MACROD2: variants seen among roughly 807,000 people sequenced by gnomAD.
MACROD2 encodes mono-ADP ribosylhydrolase 2, also known as ADP-ribose glycohydrolase MACROD2.
MACROD2 carries 36 observed loss-of-function variants against 70.4 expected under a neutral mutation model. That is an observed-to-expected ratio of 0.51 (90% CI 0.39 to 0.68). The LOEUF (loss-of-function observed/expected upper bound fraction) is 0.68. Ranked by LOEUF, MACROD2 falls within the 30% of genes least tolerant of loss-of-function variation. The pLI, the probability that MACROD2 is intolerant of heterozygous loss-of-function variation, is 0.00. For synonymous variants in MACROD2, 172 were observed against 178.8 expected, an observed-to-expected ratio of 0.96 and a Z score of 0.30; for missense variants, 496 against 538.4, an observed-to-expected ratio of 0.92 and a Z score of 0.78.
intron 3 of MACROD2, among the ~76,000 whole-genome samples, chr20:14,201,243 A>G (rs1182799210): frequency 1.3e-5 from 2 of 152,234 alleles, no homozygotes; most frequent in African/African-American, 2.4e-5. Context: ...TTCTCTTTCA[A>G]TGAATTGATT....
intron 5 of MACROD2, among the ~76,000 whole-genome samples, chr20:14,967,755 A>G (rs2074652261): frequency 6.6e-6 from 1 of 152,200 alleles, no homozygotes; most frequent in East Asian, 1.9e-4. Flanking sequence ...AAGTCTGCCA[A>G]TTTACTTCAT....
intron 3 of MACROD2, among the ~76,000 whole-genome samples, chr20:14,105,349 G>A (rs1569160840): frequency 6.6e-6 from 1 of 152,218 alleles, no homozygotes. Context: ...AGGAAGGAGA[G>A]CACAGTGCCT....
intron 5 of MACROD2, among the ~76,000 whole-genome samples, chr20:15,096,831 A>ATTTTTTTT (rs2075837062): frequency 1.7e-5 from 1 of 58,530 alleles, no homozygotes; most frequent in African/African-American, 7.9e-5. Context: ...TTTTTTTTTG[A>ATTTTTTTT]GTTGGAGTCT....
At chr20:14,987,659 A>T (rs2074861633) in intron 5 of MACROD2, among the ~76,000 whole-genome samples, 9 of 152,190 alleles carry the variant, frequency 5.9e-5, no homozygotes, top group Admixed American at 3.3e-4. Context: ...GTTATAAAGG[A>T]ACAAAAAATT....
intron 6 of MACROD2, among the ~76,000 whole-genome samples, chr20:15,317,706 A>G (rs185093106): frequency 6.6e-6 from 1 of 151,986 alleles, no homozygotes; most frequent in African/African-American, 2.4e-5. Context: ...TTGAGTCTAA[A>G]GGCAGAAAAA....
intron 2 of MACROD2, among the ~76,000 whole-genome samples, chr20:14,016,556 A>T (rs1392399335): frequency 6.6e-6 from 1 of 151,836 alleles, no homozygotes; most frequent in Non-Finnish European, 1.5e-5. Flanking sequence ...TTGGTCTTTG[A>T]TCCATTTTGT....
intron 3 of MACROD2, among the ~76,000 whole-genome samples, chr20:14,118,054 T>C (rs893078412): frequency 6.6e-6 from 1 of 152,236 alleles, no homozygotes; most frequent in African/African-American, 2.4e-5. Context: ...GTACTTCTGG[T>C]CTACAAACAT....
At chr20:15,913,668 A>T (rs2065268631) in intron 10 of MACROD2, among the ~76,000 whole-genome samples, 2 of 152,104 alleles carry the variant, frequency 1.3e-5, no homozygotes. Flanking sequence ...AAAACTGTCC[A>T]TTATTACTGG....
At chr20:15,683,862 G>A (rs993875374) in intron 8 of MACROD2, among the ~76,000 whole-genome samples, 3 of 152,122 alleles carry the variant, frequency 2.0e-5, no homozygotes, top group Non-Finnish European at 4.4e-5. Context: ...TTATAGGTGT[G>A]AGCCATCGCG....
chr20:15,743,532 A>G (rs976274974), intron 8 of MACROD2, among the ~76,000 whole-genome samples: 7 of 152,070 alleles, frequency 4.6e-5, no homozygotes, highest in Non-Finnish European at 1.0e-4. Context: ...ATCCTAACCT[A>G]CCTACCATCC....
intron 5 of MACROD2, chr20:14,757,779 A>G: frequency 6.5e-7 from 1 of 1,532,304 alleles, no homozygotes; most frequent in Middle Eastern, 2.1e-4. Context: ...CTTCCCAATG[A>G]GGGTATCCAG....
At chr20:14,102,675 A>C (rs76687723) in intron 3 of MACROD2, among the ~76,000 whole-genome samples, 1 of 152,106 alleles carries the variant, frequency 6.6e-6, no homozygotes, top group African/African-American at 2.4e-5. Flanking sequence ...CCAAATCACC[A>C]CTGTTGATAG....
Position 14,877,038 on chromosome 20 carries a change from G to T in MACROD2, c.418+192079G>T, listed in dbSNP as rs573387455. Among the ~76,000 whole-genome samples, 30 of 151,650 alleles carry T rather than the reference G, an allele frequency of 2.0e-4. No individual in the cohort carries two copies. The East Asian group carries it at 5.2e-3, about 26-fold the overall frequency. On this transcript the variant is annotated intron_variant, in intron 5 of 17. Coordinates refer to ENST00000684519, the MANE Select transcript of MACROD2 (RefSeq NM_001351661.2). Reference sequence around the variant, plus strand: ...ATTTGTTAGGAATAGCAGTGACTGTGTTTGGGCAGAATGGCCATTTTAAGG... The same window carrying T: ...ATTTGTTAGGAATAGCAGTGACTGTTTTTGGGCAGAATGGCCATTTTAAGG...
intron 15 of MACROD2, among the ~76,000 whole-genome samples, chr20:16,006,339 C>T (rs2066788274): frequency 1.3e-5 from 2 of 152,162 alleles, no homozygotes; most frequent in African/African-American, 4.8e-5. Context: ...AGTTTGTTTG[C>T]TAAGTCTCTT....
intron 9 of MACROD2, among the ~76,000 whole-genome samples, chr20:15,864,926 A>C (rs1268082304): frequency 6.6e-6 from 1 of 152,174 alleles, no homozygotes; most frequent in East Asian, 1.9e-4. Context: ...ATATGAAATA[A>C]GCGTGATGTA....
chr20:15,940,428 G>A (rs2065735475), intron 12 of MACROD2, among the ~76,000 whole-genome samples: 1 of 152,118 alleles, frequency 6.6e-6, no homozygotes, highest in Non-Finnish European at 1.5e-5. Flanking sequence ...TCTACTGTGG[G>A]TAAAATGCCA....
At chr20:14,982,544 G>C (rs1401519446) in intron 5 of MACROD2, among the ~76,000 whole-genome samples, 1 of 152,134 alleles carries the variant, frequency 6.6e-6, no homozygotes, top group South Asian at 2.1e-4. Context: ...CTAGGGACTT[G>C]GTGCCCTACA....
chr20:15,568,178 A>G (rs2048332945), intron 8 of MACROD2, among the ~76,000 whole-genome samples: 1 of 152,188 alleles, frequency 6.6e-6, no homozygotes. Context: ...ATCATGGCAA[A>G]GATGTCCATG....
chr20:15,077,006 A>G (rs2075663532), intron 5 of MACROD2, among the ~76,000 whole-genome samples: 1 of 152,174 alleles, frequency 6.6e-6, no homozygotes, highest in Admixed American at 6.5e-5. Context: ...CAATGTTTAC[A>G]GTGTTTTAGA....
Sources: gnomAD v4.1 joint callset for allele counts (sites outside exome capture counted in the v4.1 genomes callset) on GRCh38, gnomAD v4.1.1 for gene constraint, MANE v1.5 for transcripts, NCBI Gene and HGNC (gene_info 2026-07-23, HGNC 2026-07-21) for gene names.